Variants in ZNF804B observed in about 807,000 individuals in gnomAD.
ZNF804B encodes the protein zinc finger protein 804B.
Under a neutral mutation model 101.4 loss-of-function variants are expected in ZNF804B, and 80 were observed. The observed-to-expected ratio is 0.79, with a 90% CI of 0.66 to 0.95. ZNF804B has a LOEUF of 0.95. Ranked by LOEUF, ZNF804B falls within the 40% of genes least tolerant of loss-of-function variation. ZNF804B has a pLI of 0.00. For synonymous variants in ZNF804B, 622 were observed against 558.8 expected (o/e 1.11, Z -1.59); for missense variants, 1,673 against 1,561.9 (o/e 1.07, Z -1.20).
At chr7:89,123,258 A>T (rs1790431470) in intron 1 of ZNF804B, among the ~76,000 whole-genome samples, 1 of 151,858 alleles carries the variant, frequency 6.6e-6, no homozygotes, top group Non-Finnish European at 1.5e-5. Flanking sequence ...CTAGTTGTGA[A>T]CTCAAGTAGG....
At chr7:89,173,654 T>C (rs954279223) in intron 1 of ZNF804B, among the ~76,000 whole-genome samples, 1 of 152,018 alleles carries the variant, frequency 6.6e-6, no homozygotes, top group African/African-American at 2.4e-5. Flanking sequence ...CTGAAAACCA[T>C]AAATGTGAGC....
chr7:89,174,262 C>CA (rs1791284986), intron 1 of ZNF804B, among the ~76,000 whole-genome samples: 2 of 152,004 alleles, frequency 1.3e-5, no homozygotes, highest in Admixed American at 1.3e-4. Context: ...CCTTCCCAGC[C>CA]TCTGGTAACC....
At chr7:89,177,812 G>A (rs1791344557) in intron 1 of ZNF804B, among the ~76,000 whole-genome samples, 4 of 151,832 alleles carry the variant, frequency 2.6e-5, no homozygotes. Flanking sequence ...CAGCACTTTT[G>A]GAGGCCAAGG....
intron 1 of ZNF804B, among the ~76,000 whole-genome samples, chr7:88,805,325 C>T (rs1019478836): frequency 6.6e-6 from 1 of 152,118 alleles, no homozygotes; most frequent in Non-Finnish European, 1.5e-5. Context: ...TGTTTTTATT[C>T]CATGTAACTA....
intron 1 of ZNF804B, among the ~76,000 whole-genome samples, chr7:88,865,114 G>T (rs1791706867): frequency 6.6e-6 from 1 of 151,558 alleles, no homozygotes; most frequent in African/African-American, 2.4e-5. Flanking sequence ...TGTAATCCCA[G>T]CTACTTGGGA....
intron 1 of ZNF804B, among the ~76,000 whole-genome samples, chr7:88,893,208 T>C (rs2115934673): frequency 6.6e-6 from 1 of 152,280 alleles, no homozygotes; most frequent in Middle Eastern, 3.4e-3. Context: ...TATGGATTAC[T>C]ATTTTATTAT....
chr7:88,908,423 C>T (rs898452214), intron 1 of ZNF804B, among the ~76,000 whole-genome samples: 2 of 151,622 alleles, frequency 1.3e-5, no homozygotes, highest in African/African-American at 4.8e-5. Context: ...TTTTCTTTCA[C>T]AGATGACTAA....
In ZNF804B at chr7:88,822,669, C is replaced by T. The variant is rs182153658; in HGVS notation, c.108+62585C>T. On this transcript the variant is annotated intron_variant, in intron 1 of 3. Transcript: ENST00000333190. The stretch of plus-strand genomic sequence containing the variant: ...TGGAAAATGGTACCATTCAATAGGA[C>T]TTGACAGCAGCACCACAATCTTGTA... Among the ~76,000 whole-genome samples the T allele has an allele frequency of 6.0e-3, 910 of 152,272 alleles. 5 individuals carry two copies. The highest frequency in any genetic ancestry group is 0.01 in the Middle Eastern group (3 of 294).
chr7:88,815,115 ATATG>A (rs1036190578), intron 1 of ZNF804B, among the ~76,000 whole-genome samples: 178 of 148,540 alleles, frequency 1.2e-3, no homozygotes, highest in African/African-American at 3.9e-3. Context: ...ATTCTCACAT[ATATG>A]TATGTATGGC....
intron 1 of ZNF804B, among the ~76,000 whole-genome samples, chr7:89,121,605 T>C (rs1055769132): frequency 6.6e-6 from 1 of 152,194 alleles, no homozygotes; most frequent in African/African-American, 2.4e-5. Flanking sequence ...AAACTAAGTA[T>C]TAGTTATCAT....
chr7:88,966,978 C>A (rs907253468), intron 1 of ZNF804B, among the ~76,000 whole-genome samples: 1 of 137,964 alleles, frequency 7.2e-6, no homozygotes, highest in Non-Finnish European at 1.6e-5. Context: ...TTTTTTTTTT[C>A]AAGTGTAATA....
At position 89,151,319 on chromosome 7, in the gene ZNF804B, T is replaced by A. The variant is rs182936568; in HGVS notation, c.109-66836T>A. Among the ~76,000 whole-genome samples, 476 of 152,176 alleles carry A rather than the reference T, an allele frequency of 3.1e-3. 2 individuals are homozygous for A. Among genetic ancestry groups the A allele is most frequent in the African/African-American group, 0.011 (451 of 41,552 alleles). On this transcript the variant is annotated intron_variant, in intron 1 of 3. Coordinates refer to ENST00000333190, the MANE Select transcript of ZNF804B (RefSeq NM_181646.5). Reference sequence around the variant, plus strand: ...GTATTGCTTTTATTTTATTAGAAACTTTTTGATGCCATTTATATTTATTCA... The same window carrying A: ...GTATTGCTTTTATTTTATTAGAAACATTTTGATGCCATTTATATTTATTCA...
At position 89,218,289 on chromosome 7, in the gene ZNF804B, T is replaced by A. The variant is rs763316734; in HGVS notation, c.243T>A (p.His81Gln). Reference sequence around the variant, plus strand: ...ATATTAATTCTTATGACCATGCTCATAAGCAGGTAAGGCAAAGTGGGAAAA... The same window carrying A: ...ATATTAATTCTTATGACCATGCTCAAAAGCAGGTAAGGCAAAGTGGGAAAA... ...DNHINSYDHA[H>Q]KQRLKELKQR... is the part of the protein sequence containing the mutation. The change falls in exon 2 of 4, where the codon CAT becomes CAA. Residue 81 changes from histidine to glutamine, a missense_variant. Transcript: ENST00000333190. 1.2e-6 allele frequency: 2 copies of A among 1,613,530 alleles called. No individual in the cohort carries two copies. Among genetic ancestry groups the A allele is most frequent in the East Asian group, 4.5e-5 (2 of 44,812 alleles).
chr7:89,115,926 A>C (rs1162774042), intron 1 of ZNF804B, among the ~76,000 whole-genome samples: 1 of 139,044 alleles, frequency 7.2e-6, no homozygotes, highest in Non-Finnish European at 1.6e-5. Context: ...CTTTTTTTTG[A>C]CAAGAGTCTC....
intron 1 of ZNF804B, among the ~76,000 whole-genome samples, chr7:88,965,924 G>A (rs10486888): frequency 0.37 from 55,847 of 151,098 alleles, 10,925 homozygotes; most frequent in Non-Finnish European, 0.43. Flanking sequence ...GTAAATACGG[G>A]TGATTAAGAG....
intron 2 of ZNF804B, among the ~76,000 whole-genome samples, chr7:89,299,977 CA>C (rs1790449964): frequency 6.6e-6 from 1 of 151,770 alleles, no homozygotes; most frequent in South Asian, 2.1e-4. Flanking sequence ...AATTTCCCAA[CA>C]ATTAATTCTG....
intron 1 of ZNF804B, among the ~76,000 whole-genome samples, chr7:89,216,246 C>A (rs1156928046): frequency 2.0e-5 from 3 of 151,572 alleles, no homozygotes; most frequent in Non-Finnish European, 2.9e-5. Flanking sequence ...AGGGGGAGGT[C>A]GCGGTGAGCC....
chr7:88,810,923 G>A (rs1790775688), intron 1 of ZNF804B, among the ~76,000 whole-genome samples: 1 of 151,948 alleles, frequency 6.6e-6, no homozygotes, highest in Non-Finnish European at 1.5e-5. Flanking sequence ...TATTTTGTAA[G>A]AGTTTGACAA....
intron 1 of ZNF804B, among the ~76,000 whole-genome samples, chr7:89,101,380 A>C (rs916795737): frequency 6.6e-6 from 1 of 152,042 alleles, no homozygotes; most frequent in African/African-American, 2.4e-5. Context: ...TAAAACTCTC[A>C]AAGTGATATT....
Sources: gnomAD v4.1 joint callset for allele counts (sites outside exome capture counted in the v4.1 genomes callset) on GRCh38, gnomAD v4.1.1 for gene constraint, MANE v1.5 for transcripts, NCBI Gene and HGNC (gene_info 2026-07-23, HGNC 2026-07-21) for gene names.